The following HPF1 variants were observed in gnomAD, a reference collection of about 807,000 sequenced individuals.
The protein encoded by HPF1 is histone PARylation factor 1.
Under a neutral mutation model 38.8 loss-of-function variants are expected in HPF1, and 35 were observed. That is an observed-to-expected ratio of 0.90 (90% CI 0.69 to 1.19). The LOEUF (loss-of-function observed/expected upper bound fraction) is 1.19. Among genes scored for constraint, HPF1 ranks in the 50% most tolerant of loss-of-function variants. HPF1 has a pLI of 0.00. For missense variants in HPF1, 367 were observed against 405.8 expected, an observed-to-expected ratio of 0.90 and a Z score of 0.82; for synonymous variants, 115 against 139.2, an observed-to-expected ratio of 0.83 and a Z score of 1.22.
intron 7 of HPF1, among the ~76,000 whole-genome samples, chr4:169,730,683 G>A (rs1330856050): frequency 6.6e-6 from 1 of 152,164 alleles, no homozygotes; most frequent in East Asian, 1.9e-4. Flanking sequence ...GCTGATGCAC[G>A]CTAAAGCTGG....
At chr4:169,750,460 G>A in intron 3 of HPF1, 76 bp downstream of exon 3, 1 of 1,066,416 alleles carries the variant, frequency 9.4e-7, no homozygotes, top group Non-Finnish European at 1.3e-6. Flanking sequence ...CACCTTGGGT[G>A]AGGCTAGTGA....
At chr4:169,745,504 A>C (rs1338156221) in intron 4 of HPF1, among the ~76,000 whole-genome samples, 1 of 152,216 alleles carries the variant, frequency 6.6e-6, no homozygotes, top group Admixed American at 6.5e-5. Flanking sequence ...TCTTTCTAAA[A>C]GTGGGGAAAA....
intron 5 of HPF1, among the ~76,000 whole-genome samples, chr4:169,739,103 C>G (rs577913901): frequency 1.3e-5 from 2 of 151,880 alleles, no homozygotes; most frequent in African/African-American, 2.4e-5. Context: ...CAAACCTGCA[C>G]GTTGTGCACA....
At chr4:169,742,223 A>G in intron 4 of HPF1, 116 bp from the exon 5 acceptor site, 1 of 781,280 alleles carries the variant, frequency 1.3e-6, no homozygotes, top group East Asian at 2.5e-5. Flanking sequence ...AAGTCCACAG[A>G]ATAATTACCA....
At chr4:169,741,904 AG>A in intron 5 of HPF1, 52 bp downstream of exon 5, 1 of 1,493,572 alleles carries the variant, frequency 6.7e-7, no homozygotes. Context: ...AGGAATCAAG[AG>A]GGGAAAAAAA....
chr4:169,741,592 C>T (rs767318407), intron 5 of HPF1, among the ~76,000 whole-genome samples: 6 of 152,276 alleles, frequency 3.9e-5, no homozygotes, highest in Admixed American at 6.5e-5. Context: ...CTTATATACA[C>T]GTTTACTGGA....
intron 1 of HPF1, among the ~76,000 whole-genome samples, chr4:169,756,815 T>G (rs1734193438): frequency 6.6e-6 from 1 of 152,228 alleles, no homozygotes; most frequent in African/African-American, 2.4e-5. Flanking sequence ...AGAGAATTTT[T>G]TCAGCTGTGC....
chr4:169,730,743 A>T lies in HPF1; in HGVS notation c.909+961T>A, dbSNP rs72696672. Among the ~76,000 whole-genome samples the T allele has an allele frequency of 5.4e-3, 823 of 152,356 alleles. 12 individuals are homozygous for T. The highest frequency in any genetic ancestry group is 0.051 in the South Asian group (245 of 4,828). ...TTCCCAGTGTGGTCTGTAGAGCAGC[A>T]GCATGACCGTCACCTGGGAGCATGA... On this transcript the variant is annotated intron_variant, in intron 7 of 7. Coordinates refer to ENST00000393381, the MANE Select transcript of HPF1 (RefSeq NM_017867.3).
Position 169,729,572 on chromosome 4 carries a change from C to A in HPF1, c.*6G>T. On this transcript the variant is annotated 3_prime_UTR_variant, in exon 8 of 8. Coordinates refer to ENST00000393381, the MANE Select transcript of HPF1 (RefSeq NM_017867.3). The stretch of plus-strand genomic sequence containing the variant: ...AAATACTGTACACCAATCAAAGCCA[C>A]CTTACTCATGCAGCAAGTTGGTCTA... 6.6e-7 allele frequency: 1 copy of A among 1,518,218 alleles called. No individual in the cohort carries two copies. The highest frequency in any genetic ancestry group is 8.8e-7 in the Non-Finnish European group (1 of 1,133,952). The allele number at this position is 1,518,218 out of a possible 1,614,324, so 94.0% of individuals were successfully genotyped here.
chr4:169,735,566 G>C (rs1201137846), intron 6 of HPF1, among the ~76,000 whole-genome samples: 1 of 152,062 alleles, frequency 6.6e-6, no homozygotes, highest in Non-Finnish European at 1.5e-5. Flanking sequence ...TAAAACCCCA[G>C]AACCACAACT....
At chr4:169,753,648 A>G (rs760552529) in intron 2 of HPF1, 28 bp downstream of exon 2, 1 of 1,592,762 alleles carries the variant, frequency 6.3e-7, no homozygotes, top group Admixed American at 1.7e-5. Flanking sequence ...CTTTCCATTA[A>G]TACAAGAATG....
At chr4:169,731,011 CA>C (rs1419286896) in intron 7 of HPF1, among the ~76,000 whole-genome samples, 1 of 152,142 alleles carries the variant, frequency 6.6e-6, no homozygotes, top group Non-Finnish European at 1.5e-5. Context: ...CACATGTGCA[CA>C]CATATCTTAC....
chr4:169,755,635 C>A (rs1323796353), intron 1 of HPF1, among the ~76,000 whole-genome samples: 1 of 152,136 alleles, frequency 6.6e-6, no homozygotes, highest in African/African-American at 2.4e-5. Flanking sequence ...ACAATATGGA[C>A]CAACCTATAT....
chr4:169,743,836 C>T (rs767146114), intron 4 of HPF1, among the ~76,000 whole-genome samples: 1 of 151,330 alleles, frequency 6.6e-6, no homozygotes, highest in African/African-American at 2.4e-5. Context: ...GGAGTTAGAA[C>T]ATTTATAGTG....
chr4:169,749,303 A>T (rs1734087480), intron 3 of HPF1, among the ~76,000 whole-genome samples: 1 of 152,198 alleles, frequency 6.6e-6, no homozygotes, highest in African/African-American at 2.4e-5. Flanking sequence ...AGTAGGTAGC[A>T]TCCTCAAACA....
intron 4 of HPF1, among the ~76,000 whole-genome samples, chr4:169,743,074 A>C (rs1185934558): frequency 6.6e-6 from 1 of 151,466 alleles, no homozygotes; most frequent in East Asian, 1.9e-4. Context: ...GTGCCACTGC[A>C]CTTCAGCCTA....
At chr4:169,757,742 C>A (rs1734208419) in intron 1 of HPF1, 88 bp downstream of exon 1, 7 of 1,229,638 alleles carry the variant, frequency 5.7e-6, no homozygotes, top group Middle Eastern at 1.9e-4. Context: ...GCTTAATAGT[C>A]ACTGGATGAA....
intron 2 of HPF1, 60 bp downstream of exon 2, chr4:169,753,616 G>T: frequency 2.1e-6 from 3 of 1,428,220 alleles, no homozygotes; most frequent in South Asian, 1.2e-5. Context: ...ACCACACCCA[G>T]CTGGTTTCCT....
At chr4:169,749,377 T>C (rs1482222525) in intron 3 of HPF1, among the ~76,000 whole-genome samples, 1 of 152,008 alleles carries the variant, frequency 6.6e-6, no homozygotes, top group Non-Finnish European at 1.5e-5. Context: ...AAATTATAGG[T>C]ACATCGTCCT....
Sources: gnomAD v4.1 joint callset for allele counts (sites outside exome capture counted in the v4.1 genomes callset) on GRCh38, gnomAD v4.1.1 for gene constraint, MANE v1.5 for transcripts, NCBI Gene and HGNC (gene_info 2026-07-23, HGNC 2026-07-21) for gene names.